Variants in ATRNL1 observed in about 807,000 individuals in gnomAD.
ATRNL1 encodes attractin-like protein 1.
A neutral mutation model predicts 182.7 loss-of-function variants in ATRNL1; 95 were observed. The ratio of observed to expected loss-of-function variants is 0.52; its 90% confidence interval spans 0.44 to 0.62. ATRNL1 has a LOEUF of 0.62. Among genes scored for constraint, ATRNL1 ranks in the 20% least tolerant of loss-of-function variants. The probability of loss-of-function intolerance (pLI) is 0.00; values close to 1 mark genes in which losing one functional copy is unlikely to be tolerated. For synonymous variants in ATRNL1, 576 were observed against 568.3 expected (o/e 1.01, Z -0.19); for missense variants, 1,471 against 1,679.5 (o/e 0.88, Z 2.17).
chr10:115,403,257 C>CTTT (rs59256867), intron 20 of ATRNL1, among the ~76,000 whole-genome samples: 21,293 of 107,128 alleles, frequency 0.2, 2,500 homozygotes, highest in Non-Finnish European at 0.26. Flanking sequence ...TTACTCTCAT[C>CTTT]TTTTTTTTTT....
At chr10:115,130,570 T>C (rs1353897465) in intron 5 of ATRNL1, among the ~76,000 whole-genome samples, 1 of 152,134 alleles carries the variant, frequency 6.6e-6, no homozygotes, top group Non-Finnish European at 1.5e-5. Context: ...CTATGATTTC[T>C]TATTAAATCG....
chr10:115,657,750 G>T (rs1361273766), intron 26 of ATRNL1, among the ~76,000 whole-genome samples: 1 of 151,970 alleles, frequency 6.6e-6, no homozygotes, highest in Non-Finnish European at 1.5e-5. Context: ...ACATCCCTTT[G>T]GGATGTCACT....
At chr10:115,098,461 T>C (rs1288151509) in intron 1 of ATRNL1, among the ~76,000 whole-genome samples, 2 of 77,352 alleles carry the variant, frequency 2.6e-5, no homozygotes, top group East Asian at 3.7e-4. Context: ...TTCTTTTTTT[T>C]TTTTTTTTTT....
At chr10:115,192,429 GTC>G (rs1382730873) in intron 8 of ATRNL1, among the ~76,000 whole-genome samples, 1 of 151,914 alleles carries the variant, frequency 6.6e-6, no homozygotes, top group Non-Finnish European at 1.5e-5. Flanking sequence ...TATTTCTGGA[GTC>G]TCTATTCTGT....
intron 20 of ATRNL1, among the ~76,000 whole-genome samples, chr10:115,408,624 TA>T (rs1474638566): frequency 6.6e-6 from 1 of 152,174 alleles, no homozygotes; most frequent in African/African-American, 2.4e-5. Flanking sequence ...TTTGAAGTCT[TA>T]TTCATAAAAT....
chr10:115,816,433 G>T (rs1390435828), intron 27 of ATRNL1, among the ~76,000 whole-genome samples: 1 of 152,056 alleles, frequency 6.6e-6, no homozygotes, highest in Non-Finnish European at 1.5e-5. Flanking sequence ...CCAGATACCG[G>T]GGCACTCATA....
intron 19 of ATRNL1, among the ~76,000 whole-genome samples, chr10:115,384,772 T>G (rs2134243695): frequency 6.6e-6 from 1 of 152,166 alleles, no homozygotes; most frequent in East Asian, 1.9e-4. Context: ...AGACTGTATT[T>G]GTTATTTCTA....
chr10:115,768,085 A>G (rs782071571), intron 27 of ATRNL1, among the ~76,000 whole-genome samples: 1 of 152,152 alleles, frequency 6.6e-6, no homozygotes, highest in Non-Finnish European at 1.5e-5. Flanking sequence ...TGATATAAAA[A>G]TATTTCTTAT....
chr10:115,232,697 G>A (rs782147149), intron 9 of ATRNL1, among the ~76,000 whole-genome samples: 5 of 151,998 alleles, frequency 3.3e-5, no homozygotes, highest in African/African-American at 4.8e-5. Context: ...GTGTGTGTGT[G>A]TGTGTGTATG....
At chr10:115,216,851 A>G (rs919776444) in intron 9 of ATRNL1, among the ~76,000 whole-genome samples, 5 of 151,988 alleles carry the variant, frequency 3.3e-5, no homozygotes, top group African/African-American at 1.2e-4. Flanking sequence ...ATAGAATTAT[A>G]ACACCTTTTT....
chr10:115,268,231 A>C, intron 12 of ATRNL1, 95 bp from the exon 13 acceptor site: 1 of 742,086 alleles, frequency 1.3e-6, no homozygotes, highest in Non-Finnish European at 2.3e-6. Flanking sequence ...AAAATGTCTT[A>C]GTGATTCTTA....
At chr10:115,687,536 C>T (rs1555046701) in intron 26 of ATRNL1, among the ~76,000 whole-genome samples, 1 of 151,948 alleles carries the variant, frequency 6.6e-6, no homozygotes, top group African/African-American at 2.4e-5. Context: ...TTAGGTTGGA[C>T]ATGGACATGG....
At chr10:115,413,002 TTAG>T (rs762024914) in intron 20 of ATRNL1, among the ~76,000 whole-genome samples, 11 of 152,202 alleles carry the variant, frequency 7.2e-5, no homozygotes, top group Non-Finnish European at 1.5e-4. Flanking sequence ...CATATTATTA[TTAG>T]GTTACATCAT....
At chr10:115,135,792 C>T (rs1554876490) in intron 5 of ATRNL1, among the ~76,000 whole-genome samples, 2 of 151,994 alleles carry the variant, frequency 1.3e-5, no homozygotes, top group Admixed American at 6.5e-5. Context: ...TATGTTAAGT[C>T]TTGAGTTCCT....
chr10:115,516,518 C>A (rs1014475938), intron 24 of ATRNL1, among the ~76,000 whole-genome samples: 65 of 151,980 alleles, frequency 4.3e-4, no homozygotes, highest in Admixed American at 2.6e-4. Context: ...CTTTCTCACC[C>A]AACAGCCAGA....
intron 1 of ATRNL1, chr10:115,096,676 A>G: frequency 7.8e-7 from 1 of 1,288,960 alleles, no homozygotes; most frequent in Non-Finnish European, 1.0e-6. Context: ...ATGTTCTTCA[A>G]ATGTTTCTTG....
rs1377359049 is a variant in ATRNL1 at position 115,600,931 on chromosome 10, T to TG, written c.3795+51395_3795+51396insG. Reference sequence around the variant, plus strand: ...TAAGGATTGAGGTTTTTTATTTTCTTTTTTTTTTTTTTTTTTGCCCTGTAT... The same window carrying TG: ...TAAGGATTGAGGTTTTTTATTTTCTTGTTTTTTTTTTTTTTTTGCCCTGTAT... On this transcript the variant is annotated intron_variant, in intron 26 of 28. Coordinates refer to ENST00000355044, the MANE Select transcript of ATRNL1 (RefSeq NM_207303.4). 0.043 allele frequency among the ~76,000 whole-genome samples: 63 copies of TG among 1,474 alleles called. 1 individual carries two copies. The South Asian group carries it at 0.5, about 12-fold the overall frequency. 1.0% of individuals were successfully genotyped at this position (1,474 alleles called of 152,430 possible). A position where few individuals can be genotyped will look rare whatever the true frequency, so the allele number is the denominator to read the frequency against.
chr10:115,342,490 C>T (rs1855798220), intron 19 of ATRNL1, among the ~76,000 whole-genome samples: 1 of 152,030 alleles, frequency 6.6e-6, no homozygotes, highest in South Asian at 2.1e-4. Context: ...TATACCTTAA[C>T]CTCATCCATC....
At chr10:115,545,221 C>T (rs1380024564) in intron 25 of ATRNL1, among the ~76,000 whole-genome samples, 12 of 117,996 alleles carry the variant, frequency 1.0e-4, no homozygotes, top group African/African-American at 3.8e-4. Context: ...GGTGACAGAG[C>T]GAGACTCCGT....
Sources: allele counts gnomAD v4.1 joint callset (sites outside exome capture counted in the v4.1 genomes callset), GRCh38; gene constraint gnomAD v4.1.1; transcripts MANE v1.5; gene names NCBI Gene and HGNC (gene_info 2026-07-23, HGNC 2026-07-21).